The following PDLIM5 variants were observed in gnomAD, a reference collection of about 807,000 sequenced individuals.
The protein encoded by PDLIM5 is PDZ and LIM domain protein 5.
PDLIM5 carries 34 observed loss-of-function variants against 64.2 expected under a neutral mutation model. That is an observed-to-expected ratio of 0.53 (90% confidence interval 0.40 to 0.71). PDLIM5 has a LOEUF of 0.71. Ranked by LOEUF, PDLIM5 falls within the 30% of genes least tolerant of loss-of-function variation. PDLIM5 has a pLI of 0.00. For missense variants in PDLIM5, 683 were observed against 733.6 expected (o/e 0.93, Z 0.80); for synonymous variants, 253 against 269.1 (o/e 0.94, Z 0.59).
intron 3 of PDLIM5, among the ~76,000 whole-genome samples, chr4:94,546,979 A>T (rs571331823): frequency 6.0e-4 from 92 of 152,196 alleles, no homozygotes; most frequent in South Asian, 2.9e-3. Flanking sequence ...AGGAAAAAAA[A>T]ATATATATCT....
intron 2 of PDLIM5, among the ~76,000 whole-genome samples, chr4:94,471,793 T>C (rs2126093519): frequency 6.6e-6 from 1 of 152,288 alleles, no homozygotes; most frequent in East Asian, 1.9e-4. Context: ...TTTTTAGAAG[T>C]GCCTGGTACA....
rs529246310 is a variant in PDLIM5, at chr4:94,540,318, C to T, written c.248+16443C>T. Among the ~76,000 whole-genome samples, 10 of 152,216 alleles carry T rather than the reference C, an allele frequency of 6.6e-5. No individual in the cohort carries two copies. In the South Asian group the frequency reaches 2.1e-3, roughly 32 times the overall value. ...AATTTTTAGTAGAGATGGGGTTTCACTGTGTTAGCCAGGATGGTCTCGATC... is the reference window on the plus strand; with the variant it reads ...AATTTTTAGTAGAGATGGGGTTTCATTGTGTTAGCCAGGATGGTCTCGATC... On this transcript the variant is annotated intron_variant, in intron 3 of 12. Coordinates refer to ENST00000317968, the MANE Select transcript of PDLIM5 (RefSeq NM_006457.5).
intron 9 of PDLIM5, among the ~76,000 whole-genome samples, chr4:94,649,819 C>G (rs1299875196): frequency 6.6e-6 from 1 of 152,166 alleles, no homozygotes; most frequent in African/African-American, 2.4e-5. Flanking sequence ...GTAGTTGTCT[C>G]CAGTAGACTT....
intron 3 of PDLIM5, among the ~76,000 whole-genome samples, chr4:94,560,849 C>G (rs1733775118): frequency 6.6e-6 from 1 of 152,126 alleles, no homozygotes; most frequent in Admixed American, 6.5e-5. Flanking sequence ...GCCTCAGCCT[C>G]CTGAGTAGCT....
rs1743066359 is a variant in PDLIM5, at chr4:94,666,029, G to A, written c.*1962G>A. The A allele has an allele frequency of 1.3e-6, 2 of 1,533,980 alleles. No individual in the cohort carries two copies. Among genetic ancestry groups the A allele is most frequent in the Non-Finnish European group, 1.7e-6 (2 of 1,145,858 alleles). On this transcript the variant is annotated 3_prime_UTR_variant, in exon 13 of 13. Transcript: ENST00000317968. ...GGTTTTTCTCTTTGTTTCCAGAATG[G>A]ATGAAAGTCCATGAACCTCCTAAGT...
At chr4:94,507,904 C>T (rs1466370968) in intron 2 of PDLIM5, among the ~76,000 whole-genome samples, 2 of 152,186 alleles carry the variant, frequency 1.3e-5, no homozygotes. Flanking sequence ...TGCTTCTCTG[C>T]TCCTTCACTC....
chr4:94,478,244 A>G (rs924653756), intron 2 of PDLIM5, among the ~76,000 whole-genome samples: 3 of 145,208 alleles, frequency 2.1e-5, no homozygotes, highest in African/African-American at 8.2e-5. Flanking sequence ...CAACAGAGCC[A>G]GACTCCGTCT....
intron 5 of PDLIM5, chr4:94,584,906 C>CT: frequency 1.1e-6 from 1 of 911,574 alleles, no homozygotes; most frequent in Non-Finnish European, 1.7e-6. Context: ...TAGTTGTTTT[C>CT]TTTTTTTCTT....
intron 9 of PDLIM5, among the ~76,000 whole-genome samples, chr4:94,648,190 A>T (rs55759121): frequency 0.011 from 1,739 of 152,192 alleles, 35 homozygotes; most frequent in African/African-American, 0.04. Context: ...TCGAGAATTT[A>T]AAAAAAATCA....
At chr4:94,548,456 C>T (rs565521937) in intron 3 of PDLIM5, among the ~76,000 whole-genome samples, 1 of 152,168 alleles carries the variant, frequency 6.6e-6, no homozygotes, top group South Asian at 2.1e-4. Flanking sequence ...TTTGCTTCAC[C>T]CTCTTAGAGG....
At position 94,589,799 on chromosome 4, in the gene PDLIM5, G is replaced by C. The variant is rs140772942; in HGVS notation, c.920+3355G>C. ...CTTTCCTTTTTTTAAATTTGAGACAGAGTTGTGCTCTGTCACCCAGGCTGG... is the reference window on the plus strand; with the variant it reads ...CTTTCCTTTTTTTAAATTTGAGACACAGTTGTGCTCTGTCACCCAGGCTGG... On this transcript the variant is annotated intron_variant, in intron 7 of 12. Coordinates refer to ENST00000317968, the MANE Select transcript of PDLIM5 (RefSeq NM_006457.5). Among the ~76,000 whole-genome samples the C allele has an allele frequency of 9.5e-3, 1,423 of 149,878 alleles. 15 individuals carry two copies. Among genetic ancestry groups the C allele is most frequent in the Admixed American group, 0.033 (488 of 14,990 alleles).
chr4:94,579,937 C>G (rs147073745), intron 5 of PDLIM5, among the ~76,000 whole-genome samples: 2 of 152,094 alleles, frequency 1.3e-5, no homozygotes, highest in African/African-American at 4.8e-5. Flanking sequence ...GGTAAAGTCT[C>G]TTAAGAACCT....
intron 2 of PDLIM5, among the ~76,000 whole-genome samples, chr4:94,473,094 A>T (rs531539135): frequency 6.6e-6 from 1 of 152,166 alleles, no homozygotes; most frequent in South Asian, 2.1e-4. Context: ...GACCTCACAG[A>T]TAAGGTGACA....
chr4:94,456,396 C>G (rs1560626834), intron 2 of PDLIM5: 2 of 670,544 alleles, frequency 3.0e-6, no homozygotes, highest in Non-Finnish European at 5.4e-6. Flanking sequence ...CCAAGTTTCC[C>G]TATGTTGGTC....
At chr4:94,610,683 G>A (rs1738296393) in intron 7 of PDLIM5, among the ~76,000 whole-genome samples, 1 of 151,980 alleles carries the variant, frequency 6.6e-6, no homozygotes, top group Non-Finnish European at 1.5e-5. Flanking sequence ...CCTTTAAAGG[G>A]TGATCTGAAG....
rs1743142829 is a variant in PDLIM5 at position 94,667,714 on chromosome 4, TA to T, written c.*3652del. On this transcript the variant is annotated 3_prime_UTR_variant, in exon 13 of 13. Transcript: ENST00000317968. ...AAAACCTAATCATTTAGTCACAGTG[TA>T]AAAACAAATGGAAATAACAGCTCAA... 6.6e-6 allele frequency: 1 copy of T among 152,282 alleles called. No individual in the cohort carries two copies. The highest frequency in any genetic ancestry group is 1.5e-5 in the Non-Finnish European group (1 of 68,024). 9.4% of individuals were successfully genotyped at this position (152,282 alleles called of 1,614,324 possible).
At chr4:94,623,436 G>T (rs1244495397) in intron 8 of PDLIM5, among the ~76,000 whole-genome samples, 6 of 152,104 alleles carry the variant, frequency 3.9e-5, no homozygotes, top group Admixed American at 3.3e-4. Flanking sequence ...AGACCAGCTT[G>T]TTCCCCCTTT....
At chr4:94,606,944 C>T (rs1469886631) in intron 7 of PDLIM5, among the ~76,000 whole-genome samples, 2 of 152,210 alleles carry the variant, frequency 1.3e-5, no homozygotes, top group African/African-American at 4.8e-5. Flanking sequence ...ATTTTCTTAA[C>T]CATTAACCAT....
At chr4:94,521,385 G>T (rs1369280606) in intron 2 of PDLIM5, among the ~76,000 whole-genome samples, 1 of 152,034 alleles carries the variant, frequency 6.6e-6, no homozygotes, top group Non-Finnish European at 1.5e-5. Flanking sequence ...TCAAGACTTG[G>T]ACTGTCATAG....
Sources: allele counts gnomAD v4.1 joint callset (sites outside exome capture counted in the v4.1 genomes callset), GRCh38; gene constraint gnomAD v4.1.1; transcripts MANE v1.5; gene names NCBI Gene and HGNC (gene_info 2026-07-23, HGNC 2026-07-21).